KDM3B: variants seen among roughly 807,000 people sequenced by gnomAD.
KDM3B encodes the protein lysine-specific demethylase 3B.
In KDM3B, 10 loss-of-function variants were observed where a neutral mutation model predicts 170.0. That is an observed-to-expected ratio of 0.06 (90% confidence interval 0.04 to 0.10). The LOEUF (loss-of-function observed/expected upper bound fraction) is 0.10. KDM3B is among the 10% of genes least tolerant of loss of function. The pLI, the probability that KDM3B is intolerant of heterozygous loss-of-function variation, is 1.00. For missense variants in KDM3B, 1,394 were observed against 2,195.2 expected (o/e 0.64, Z 7.29); for synonymous variants, 831 against 834.8 (o/e 1.00, Z 0.08).
At position 138,391,262 on chromosome 5, in the gene KDM3B, T is replaced by G. The variant is rs762197701; in HGVS notation, c.1630T>G (p.Ser544Ala). 5.0e-6 allele frequency: 8 copies of G among 1,614,084 alleles called. No individual in the cohort carries two copies. The change falls in exon 8 of 24, where the codon TCA (serine) becomes GCA (alanine). Residue 544 changes from serine to alanine, a missense_variant. Coordinates refer to ENST00000314358, the MANE Select transcript of KDM3B (RefSeq NM_016604.4). This position sits in a 1 kb window ranked among gnomAD's most constrained non-coding sequence, Gnocchi z 5.0. ...TACCAGTAACTACTTCACTACTGTTTCAGAGAGTTTGGCTGATGATTCTTC... is the reference window on the plus strand; with the variant it reads ...TACCAGTAACTACTTCACTACTGTTGCAGAGAGTTTGGCTGATGATTCTTC... ...LPTSNYFTTVSESLADDSSSR... is the reference protein window; with the variant it reads ...LPTSNYFTTVAESLADDSSSR...
At position 138,427,074 on chromosome 5, in the gene KDM3B, C is replaced by T. The variant is rs954909745; in HGVS notation, c.4502+9C>T. 2 of 1,613,002 alleles carry T rather than the reference C, an allele frequency of 1.2e-6. No individual in the cohort carries two copies. The highest frequency in any genetic ancestry group is 2.2e-5 in the East Asian group (1 of 44,876). On this transcript the variant is annotated intron_variant, in intron 18 of 23. Transcript: ENST00000314358. ...GACATGATGCCAACCAGGTTAGTGA[C>T]CTGCAGTGGTGTCATCTTCAGAAGC...
In KDM3B at chr5:138,425,569, C is replaced by T. The variant is rs762393674; in HGVS notation, c.4398C>T (p.Phe1466=). The change falls in exon 17 of 24, where the codon TTC becomes TTT. Residue 1466 remains phenylalanine, a synonymous_variant. Transcript: ENST00000314358. ...DVKVRDFWDG[F]EIICKRLRSE... ...AAGTTCGGGATTTCTGGGATGGTTT[C>T]GAGATCATATGCAGTAAGTAGCTTT... is the stretch of plus-strand genomic sequence containing the variant. 7.5e-5 allele frequency: 121 copies of T among 1,613,656 alleles called. No individual in the cohort carries two copies. Among genetic ancestry groups the T allele is most frequent in the Non-Finnish European group, 8.9e-5 (105 of 1,179,866 alleles).
At chr5:138,394,679 A>T (rs1762508708) in intron 9 of KDM3B, among the ~76,000 whole-genome samples, 1 of 152,226 alleles carries the variant, frequency 6.6e-6, no homozygotes, top group South Asian at 2.1e-4. Context: ...TGATGGGTCC[A>T]CATTTTAAAG....
intron 1 of KDM3B, among the ~76,000 whole-genome samples, chr5:138,356,832 T>C (rs1761462063): frequency 6.6e-6 from 1 of 151,790 alleles, no homozygotes; most frequent in African/African-American, 2.4e-5. Flanking sequence ...TTAGTAGAGA[T>C]GGGGTTTCAC....
chr5:138,381,772 C>T (rs1196021568), intron 6 of KDM3B, 182 bp downstream of exon 6: 2 of 542,248 alleles, frequency 3.7e-6, no homozygotes, highest in Non-Finnish European at 6.6e-6. Context: ...AAGAAAGAGA[C>T]CTAGTTTGAG....
chr5:138,418,774 C>T (rs142585501), intron 13 of KDM3B, among the ~76,000 whole-genome samples, 179 bp from the exon 14 acceptor site: 95 of 152,300 alleles, frequency 6.2e-4, no homozygotes, highest in African/African-American at 2.2e-3. Context: ...AGAAGCTAGC[C>T]TGGTTTCTGG....
At chr5:138,434,187 T>G (rs1257314783) in intron 23 of KDM3B, among the ~76,000 whole-genome samples, 9 of 152,128 alleles carry the variant, frequency 5.9e-5, no homozygotes. Context: ...GCCCAGGAGT[T>G]TTGAAGCTCT....
intron 9 of KDM3B, among the ~76,000 whole-genome samples, chr5:138,397,616 T>G (rs138504716): frequency 3.2e-4 from 49 of 152,274 alleles, no homozygotes; most frequent in African/African-American, 1.1e-3. Context: ...GGCAGGCGGA[T>G]CTCTTGAGGT....
At chr5:138,369,821 G>A (rs1183395723) in intron 1 of KDM3B, among the ~76,000 whole-genome samples, 2 of 152,132 alleles carry the variant, frequency 1.3e-5, no homozygotes, top group Non-Finnish European at 2.9e-5. Flanking sequence ...CAACCAAAGT[G>A]CTTAGAATCT....
intron 1 of KDM3B, among the ~76,000 whole-genome samples, chr5:138,364,739 A>G (rs1761704519): frequency 6.6e-6 from 1 of 152,178 alleles, no homozygotes; most frequent in East Asian, 1.9e-4. Flanking sequence ...GTCCCTATTT[A>G]TAGGCAAAGG....
At position 138,352,809 on chromosome 5, in the gene KDM3B, C is replaced by A. The variant is rs2126897840; in HGVS notation, c.14C>A (p.Ala5Glu). 3 of 1,306,190 alleles carry A rather than the reference C, an allele frequency of 2.3e-6. No individual in the cohort carries two copies. The East Asian group carries it at 1.0e-4, about 44-fold the overall frequency. 80.9% of individuals were successfully genotyped at this position (1,306,190 alleles called of 1,614,324 possible). A position where few individuals can be genotyped will look rare whatever the true frequency, so the allele number is the denominator to read the frequency against. The change falls in exon 1 of 24, where the codon GCG becomes GAG. Residue 5 changes from alanine to glutamate, a missense_variant. Transcript: ENST00000314358. ...CCGGCCCCGGCGATGGCGGACGCGG[C>A]GGCCTCCCCGGTGGGCAAGCGGCTG... MADA[A>E]ASPVGKRLLL...
intron 12 of KDM3B, 102 bp from the exon 13 acceptor site, chr5:138,417,381 G>A: frequency 3.5e-6 from 4 of 1,133,694 alleles, no homozygotes; most frequent in Non-Finnish European, 3.7e-6. Flanking sequence ...TTATTGAAAT[G>A]TGGTAAGGAT....
intron 12 of KDM3B, among the ~76,000 whole-genome samples, chr5:138,416,687 G>T (rs1763115975): frequency 6.6e-6 from 1 of 151,904 alleles, no homozygotes; most frequent in South Asian, 2.1e-4. Flanking sequence ...AAGCCAAAGG[G>T]TTTCCTGAGT....
chr5:138,393,304 G>A lies in KDM3B; in HGVS notation c.2763G>A (p.Arg921=). The A allele has an allele frequency of 2.5e-6, 4 of 1,614,208 alleles. No homozygotes were observed. The highest frequency in any genetic ancestry group is 3.4e-6 in the Non-Finnish European group (4 of 1,180,030). The change falls in exon 9 of 24, where the codon CGG becomes CGA. Residue 921 remains arginine, a synonymous_variant. Coordinates refer to ENST00000314358, the MANE Select transcript of KDM3B (RefSeq NM_016604.4). ...LHKCRECRLE[R]YRKFKEQEQD... ...AGTGTCGTGAATGCCGCCTGGAGCG[G>A]TACCGGAAGTTTAAGGAACAGGAGC...
chr5:138,386,326 A>C lies in KDM3B; in HGVS notation c.1085A>C (p.Glu362Ala). ...RNIRFATYTK[E>A]NGRTLVVQDE... ...ATTCGCTTTGCCACTTACACCAAAG[A>C]AAACGGCAGGACTCTGGTGGTGCAG... The change falls in exon 7 of 24, where the codon GAA becomes GCA. Residue 362 changes from glutamate (E) to alanine (A), a missense_variant. Glu to Ala is a moderately radical substitution (Grantham distance 107). Around this residue, in one of 19 missense-constraint regions of KDM3B, gnomAD observed 205 missense variants for 227.6 expected, o/e 0.90. Coordinates refer to ENST00000314358, the MANE Select transcript of KDM3B (RefSeq NM_016604.4). The C allele has an allele frequency of 6.2e-7, 1 of 1,614,224 alleles. No individual in the cohort carries two copies. Among genetic ancestry groups the C allele is most frequent in the South Asian group, 1.1e-5 (1 of 91,084 alleles).
chr5:138,397,996 A>G, intron 9 of KDM3B, 182 bp from the exon 10 acceptor site: 1 of 554,964 alleles, frequency 1.8e-6, no homozygotes, highest in African/African-American at 1.9e-5. Context: ...ATCTAGACCT[A>G]CTAAATGTTA....
Position 138,386,296 on chromosome 5 carries a change from G to A in KDM3B, c.1055G>A (p.Arg352His), listed in dbSNP as rs772189180. ...PPSTFVPQIN[R>H]NIRFATYTKE... ...TCTACATTTGTCCCCCAGATAAACC[G>A]CAACATTCGCTTTGCCACTTACACC... is the stretch of plus-strand genomic sequence containing the variant. Residue 352 changes from arginine to histidine, a missense_variant, in exon 7 of 24, where the codon CGC (arginine) becomes CAC (histidine). Arg to His is a conservative substitution (Grantham distance 29). Coordinates refer to ENST00000314358, the MANE Select transcript of KDM3B (RefSeq NM_016604.4). The A allele has an allele frequency of 9.9e-6, 16 of 1,614,010 alleles. No homozygotes were observed. Among genetic ancestry groups the A allele is most frequent in the South Asian group, 4.4e-5 (4 of 91,086 alleles).
At position 138,435,867 on chromosome 5, in the gene KDM3B, G is replaced by GT; in HGVS notation, c.*169dup. ...CTTCTACGCTGCCTCAACACTGAAG[G>GT]TTGACACAGGAAAGTCGTACTGTTC... On this transcript the variant is annotated 3_prime_UTR_variant, in exon 24 of 24. Coordinates refer to ENST00000314358, the MANE Select transcript of KDM3B (RefSeq NM_016604.4). 1.6e-6 allele frequency: 1 copy of GT among 606,664 alleles called. No individual in the cohort carries two copies. The allele number at this position is 606,664 out of a possible 1,614,324, so 37.6% of individuals were successfully genotyped here.
chr5:138,398,246 A>G lies in KDM3B; in HGVS notation c.2900A>G (p.Asp967Gly). 1 of 1,614,176 alleles carries G rather than the reference A, an allele frequency of 6.2e-7. No individual in the cohort carries two copies. The highest frequency in any genetic ancestry group is 8.5e-7 in the Non-Finnish European group (1 of 1,180,018). ...GFLSPQQSDP[D>G]AMNLWIPSSS... ...TTAAGCCCCCAGCAAAGTGACCCTG[A>G]TGCCATGAACCTGTGGATTCCCTCT... The change falls in exon 10 of 24, where the codon GAT becomes GGT. Residue 967 changes from aspartate (D) to glycine (G), a missense_variant. By Grantham distance (94) the Asp-to-Gly change is moderately conservative (BLOSUM62 -1). Coordinates refer to ENST00000314358, the MANE Select transcript of KDM3B (RefSeq NM_016604.4).
Sources: allele counts gnomAD v4.1 joint callset (sites outside exome capture counted in the v4.1 genomes callset), GRCh38; gene constraint gnomAD v4.1.1; regional missense constraint gnomAD v4.1.1; non-coding constraint Gnocchi (gnomAD v3.1); transcripts MANE v1.5; gene names NCBI Gene and HGNC (gene_info 2026-07-23, HGNC 2026-07-21).